Variants in DET1 observed in about 807,000 individuals in gnomAD.
DET1 encodes DET1 homolog.
A neutral mutation model predicts 43.7 loss-of-function variants in DET1; 22 were observed. That is an observed-to-expected ratio of 0.50 (90% CI 0.36 to 0.72). DET1 has a LOEUF of 0.72. DET1 is among the 30% of genes least tolerant of loss of function. The probability of loss-of-function intolerance (pLI) is 0.00; values close to 1 mark genes in which losing one functional copy is unlikely to be tolerated. For missense variants in DET1, 713 were observed against 713.3 expected, an observed-to-expected ratio of 1.00 and a Z score of 0.00; for synonymous variants, 315 against 266.2, an observed-to-expected ratio of 1.18 and a Z score of -1.79.
intron 1 of DET1, among the ~76,000 whole-genome samples, chr15:88,544,594 C>G (rs2057197749): frequency 6.6e-6 from 1 of 152,142 alleles, no homozygotes; most frequent in African/African-American, 2.4e-5. Context: ...TAAAAAGTTT[C>G]AGAAACAAGG....
At chr15:88,544,438 T>C (rs1298305630) in intron 1 of DET1, among the ~76,000 whole-genome samples, 1 of 152,168 alleles carries the variant, frequency 6.6e-6, no homozygotes, top group Non-Finnish European at 1.5e-5. Flanking sequence ...GGCAGAAATA[T>C]CACAAGCTAA....
chr15:88,520,443 G>C (rs2056459904), intron 3 of DET1, among the ~76,000 whole-genome samples: 1 of 152,140 alleles, frequency 6.6e-6, no homozygotes, highest in Non-Finnish European at 1.5e-5. Context: ...TTAATTTTCA[G>C]TCCCTATTGT....
intron 1 of DET1, among the ~76,000 whole-genome samples, chr15:88,537,353 C>T (rs1685461611): frequency 6.6e-6 from 1 of 152,120 alleles, no homozygotes; most frequent in African/African-American, 2.4e-5. Context: ...TCTAGCCCAT[C>T]TCTCACCTCC....
At chr15:88,537,372 T>C (rs769894949) in intron 1 of DET1, among the ~76,000 whole-genome samples, 1 of 152,136 alleles carries the variant, frequency 6.6e-6, no homozygotes, top group African/African-American at 2.4e-5. Context: ...CCTGGATTTT[T>C]TGGGGTCTCA....
intron 7 of DET1, chr15:88,505,452 C>T (rs2056130335): frequency 3.9e-5 from 6 of 152,210 alleles, no homozygotes; most frequent in Admixed American, 3.9e-4. Context: ...CAAATTAACC[C>T]CACTGCTCTG....
chr15:88,545,665 C>T (rs1316206595), intron 1 of DET1, among the ~76,000 whole-genome samples: 1 of 15,712 alleles, frequency 6.4e-5, no homozygotes, highest in Non-Finnish European at 1.0e-4. Context: ...TCTTAAGACT[C>T]CCCTTGTTAA....
chr15:88,532,210 G>A (rs1567069223), intron 1 of DET1, among the ~76,000 whole-genome samples: 1 of 152,172 alleles, frequency 6.6e-6, no homozygotes, highest in Non-Finnish European at 1.5e-5. Context: ...GGCTGAAGTG[G>A]AAGGATTGTT....
chr15:88,535,777 A>AG (rs1358901546), intron 1 of DET1, among the ~76,000 whole-genome samples: 1 of 150,364 alleles, frequency 6.7e-6, no homozygotes, highest in African/African-American at 2.5e-5. Flanking sequence ...AAAGAAAGAA[A>AG]GAAAGGAAGG....
intron 7 of DET1, chr15:88,505,666 G>C (rs2056132839): frequency 1.3e-5 from 2 of 152,144 alleles, no homozygotes; most frequent in Admixed American, 6.6e-5. Context: ...CTGCTGCCTT[G>C]CTGACACTGA....
downstream of DET1, among the ~76,000 whole-genome samples, chr15:88,510,867 G>A (rs1208155573): frequency 7.5e-5 from 11 of 147,362 alleles, no homozygotes; most frequent in African/African-American, 1.0e-4. Context: ...CCCACCTCCC[G>A]GGTTCACGCC....
At position 88,504,382 on chromosome 15, in the gene DET1, A is replaced by C. The variant is rs1439587193; in HGVS notation, c.*2066-395T>G. Reference sequence around the variant, plus strand: ...CCATGATACGATGTGGGAGGGCATGAATATAGAAGGTAGGGTCACTGTAGG... The same window carrying C: ...CCATGATACGATGTGGGAGGGCATGCATATAGAAGGTAGGGTCACTGTAGG... On this transcript the variant is annotated intron_variant and NMD_transcript_variant, in intron 7 of 8. Transcript: ENST00000557842. The surrounding 1 kb of genome is among the most constrained non-coding windows in gnomAD (Gnocchi z 4.7). 1 of 152,210 alleles carries C rather than the reference A, an allele frequency of 6.6e-6. No homozygotes were observed. The highest frequency in any genetic ancestry group is 1.5e-5 in the Non-Finnish European group (1 of 68,042). The allele number at this position is 152,210 out of a possible 1,614,324, so 9.4% of individuals were successfully genotyped here.
Position 88,523,781 on chromosome 15 carries a change from G to A in DET1, c.1271+3818C>T, listed in dbSNP as rs546715601. ...GCTGGAGTGCAGTGGCGTGATCTCCGCTCGCTACAACCTCCACCTCCCAGC... is the reference window on the plus strand; with the variant it reads ...GCTGGAGTGCAGTGGCGTGATCTCCACTCGCTACAACCTCCACCTCCCAGC... On this transcript the variant is annotated intron_variant, in intron 3 of 4. Coordinates refer to ENST00000268148, the MANE Select transcript of DET1 (RefSeq NM_001144074.3). Among the ~76,000 whole-genome samples, 840 of 152,256 alleles carry A rather than the reference G, an allele frequency of 5.5e-3. 10 individuals carry two copies. The highest frequency in any genetic ancestry group is 0.019 in the African/African-American group (795 of 41,560).
At chr15:88,506,654 G>C (rs2056145209) in intron 7 of DET1, among the ~76,000 whole-genome samples, 1 of 152,078 alleles carries the variant, frequency 6.6e-6, no homozygotes, top group East Asian at 1.9e-4. Context: ...TCATGACTGA[G>C]TTTAAGTTAC....
chr15:88,523,106 G>A (rs1244610132), intron 3 of DET1, among the ~76,000 whole-genome samples: 1 of 151,682 alleles, frequency 6.6e-6, no homozygotes, highest in Non-Finnish European at 1.5e-5. Context: ...GAACTCCTGA[G>A]CTCAAGCGAT....
Position 88,531,845 on chromosome 15 carries a change from C to A in DET1, c.-10-130G>T. On this transcript the variant is annotated intron_variant, in intron 1 of 4. Transcript: ENST00000268148. This position sits in a 1 kb window ranked among gnomAD's most constrained non-coding sequence, Gnocchi z 6.2. ...GAGCTCCCAAGATGACAGTGACTGG[C>A]ATTACTACTTCCCAGATTATACTGA... 1 of 847,654 alleles carries A rather than the reference C, an allele frequency of 1.2e-6. No individual in the cohort carries two copies. Among genetic ancestry groups the A allele is most frequent in the Non-Finnish European group, 1.8e-6 (1 of 564,564 alleles). 52.5% of individuals were successfully genotyped at this position (847,654 alleles called of 1,614,324 possible).
In DET1 at chr15:88,530,840, T is replaced by A. The variant is rs760924141; in HGVS notation, c.866A>T (p.Asp289Val). The A allele has an allele frequency of 6.2e-7, 1 of 1,613,862 alleles. No homozygotes were observed. The highest frequency in any genetic ancestry group is 1.1e-5 in the South Asian group (1 of 91,072). Reference protein sequence around the residue: ...SQTGMANPFRDPFINSLKHRL... With the variant: ...SQTGMANPFRVPFINSLKHRL... ...GTGTTTGAGGGAATTGATGAAAGGATCCCTAAAGGGATTGGCCATGCCTGT... is the reference window on the plus strand; with the variant it reads ...GTGTTTGAGGGAATTGATGAAAGGAACCCTAAAGGGATTGGCCATGCCTGT... The change falls in exon 2 of 5, where the codon GAT (aspartate) becomes GTT (valine). Residue 289 changes from aspartate (D) to valine (V), a missense_variant. Coordinates refer to ENST00000268148, the MANE Select transcript of DET1 (RefSeq NM_001144074.3).
rs1422323023 is a variant in DET1, at chr15:88,530,667, T to C, written c.1039A>G (p.Thr347Ala). Residue 347 changes from threonine to alanine, a missense_variant, in exon 2 of 5, where the codon ACT becomes GCT. Physicochemically the swap from Thr to Ala is moderately conservative, Grantham distance 58. Coordinates refer to ENST00000268148, the MANE Select transcript of DET1 (RefSeq NM_001144074.3). Reference sequence around the variant, plus strand: ...CGCAGTGTTACTACATCCTCACTAGTGTACTTGATAAACAGGTGGTTTTCA... The same window carrying C: ...CGCAGTGTTACTACATCCTCACTAGCGTACTTGATAAACAGGTGGTTTTCA... ...LDENHLFIKY[T>A]SEDVVTLRVT... 2.5e-6 allele frequency: 4 copies of C among 1,613,426 alleles called. No homozygotes were observed. The highest frequency in any genetic ancestry group is 3.4e-6 in the Non-Finnish European group (4 of 1,179,648).
At chr15:88,517,356 G>A (rs1286724501) in intron 3 of DET1, among the ~76,000 whole-genome samples, 2 of 151,500 alleles carry the variant, frequency 1.3e-5, no homozygotes, top group Non-Finnish European at 2.9e-5. Flanking sequence ...CCCCAGAGTA[G>A]GTGGGACTAC....
At chr15:88,507,904 A>C (rs1396750696), downstream of DET1, among the ~76,000 whole-genome samples, 1 of 152,186 alleles carries the variant, frequency 6.6e-6, no homozygotes, top group Non-Finnish European at 1.5e-5. Context: ...GCAGGAGGTG[A>C]GTGGTGGGCA....
Sources: gnomAD v4.1 joint callset for allele counts (sites outside exome capture counted in the v4.1 genomes callset) on GRCh38, gnomAD v4.1.1 for gene constraint, Gnocchi (gnomAD v3.1) non-coding constraint, MANE v1.5 for transcripts, NCBI Gene and HGNC (gene_info 2026-07-23, HGNC 2026-07-21) for gene names.